Variants in C8orf89 observed in about 807,000 individuals in gnomAD.
C8orf89 encodes chromosome 8 open reading frame 89.
C8orf89 carries 14 observed loss-of-function variants against 15.8 expected under a neutral mutation model. That is an observed-to-expected ratio of 0.89 (90% CI 0.59 to 1.39). The LOEUF (loss-of-function observed/expected upper bound fraction) is 1.39. Ranked by LOEUF, C8orf89 falls within the 40% of genes most tolerant of loss-of-function variation. C8orf89 has a pLI of 0.00. For synonymous variants in C8orf89, 55 were observed against 62.2 expected (o/e 0.88, Z 0.54); for missense variants, 181 against 184.5 (o/e 0.98, Z 0.11).
At chr8:73,285,712 C>G in the C8orf89 span, among the ~76,000 whole-genome samples, 7 of 152,302 alleles carry the variant, frequency 4.6e-5, no homozygotes, top group Admixed American at 4.6e-4. Context: ...GGGCAGCGGG[C>G]ACAGCGGGCA....
chr8:73,265,574 T>C, the C8orf89 span, among the ~76,000 whole-genome samples: 1 of 151,646 alleles, frequency 6.6e-6, no homozygotes, highest in Admixed American at 6.6e-5. Flanking sequence ...TGCTGGGCAA[T>C]GACACAGAGG....
At chr8:73,264,584 G>A in the C8orf89 span, among the ~76,000 whole-genome samples, 4 of 152,198 alleles carry the variant, frequency 2.6e-5, no homozygotes, top group South Asian at 2.1e-4. Context: ...TCCACCTCCC[G>A]GGTTCATGTG....
the C8orf89 span, among the ~76,000 whole-genome samples, chr8:73,265,162 T>A: frequency 2.0e-5 from 3 of 152,244 alleles, no homozygotes; most frequent in African/African-American, 7.2e-5. Context: ...CTAGTTTGGA[T>A]ACTTTGGATT....
chr8:73,253,075 G>A (rs1035342626), intron 2 of C8orf89, among the ~76,000 whole-genome samples: 2 of 152,198 alleles, frequency 1.3e-5, no homozygotes, highest in African/African-American at 4.8e-5. Context: ...CCCGGGAGGC[G>A]GAGCTCCCAG....
chr8:73,273,834 C>T, the C8orf89 span, among the ~76,000 whole-genome samples: 1 of 150,884 alleles, frequency 6.6e-6, no homozygotes, highest in Admixed American at 6.6e-5. Context: ...TAATATCCAA[C>T]TGTTTATCTT....
the C8orf89 span, among the ~76,000 whole-genome samples, chr8:73,272,372 C>G: frequency 6.6e-6 from 1 of 152,050 alleles, no homozygotes; most frequent in Non-Finnish European, 1.5e-5. Flanking sequence ...AAAATTAAAA[C>G]ATCTAACATT....
the C8orf89 span, among the ~76,000 whole-genome samples, chr8:73,271,269 C>G: frequency 2.0e-5 from 3 of 152,144 alleles, no homozygotes; most frequent in Admixed American, 2.0e-4. Flanking sequence ...ACTTTTACCC[C>G]CAGTGTGGTG....
At chr8:73,259,570 T>C (rs914672406), upstream of C8orf89, 11 of 613,228 alleles carry the variant, frequency 1.8e-5, no homozygotes, top group African/African-American at 1.1e-4. Context: ...TGTGTCATAA[T>C]GTTTCTCTTT....
chr8:73,258,270 G>T (rs746929793), intron 1 of C8orf89, among the ~76,000 whole-genome samples: 1 of 151,914 alleles, frequency 6.6e-6, no homozygotes. Context: ...AATCTGCTGC[G>T]CATGGCAGTG....
At chr8:73,241,983 A>T (rs1048265540) in intron 3 of C8orf89, among the ~76,000 whole-genome samples, 1 of 142,492 alleles carries the variant, frequency 7.0e-6, no homozygotes, top group African/African-American at 2.5e-5. Context: ...CTCGACATAT[A>T]AAAAAAAATC....
chr8:73,272,116 T>C, the C8orf89 span, among the ~76,000 whole-genome samples: 1 of 152,176 alleles, frequency 6.6e-6, no homozygotes, highest in Admixed American at 6.5e-5. Context: ...CCTCTTCCTC[T>C]TTCCTTTCAG....
chr8:73,250,617 G>C (rs1450418913), intron 2 of C8orf89, among the ~76,000 whole-genome samples: 1 of 152,084 alleles, frequency 6.6e-6, no homozygotes, highest in African/African-American at 2.4e-5. Flanking sequence ...AGGCCATTTG[G>C]ATACGTTGAA....
the C8orf89 span, among the ~76,000 whole-genome samples, chr8:73,278,447 T>G: frequency 6.6e-6 from 1 of 152,128 alleles, no homozygotes; most frequent in Admixed American, 6.5e-5. Flanking sequence ...TCTCCTACCC[T>G]GACGCCCGGG....
At chr8:73,247,981 T>G (rs1422895283) in intron 3 of C8orf89, among the ~76,000 whole-genome samples, 1 of 152,212 alleles carries the variant, frequency 6.6e-6, no homozygotes, top group African/African-American at 2.4e-5. Context: ...TTTGCGGCAT[T>G]GCTTTTGGCA....
At chr8:73,266,146 A>G in the C8orf89 span, among the ~76,000 whole-genome samples, 1 of 152,244 alleles carries the variant, frequency 6.6e-6, no homozygotes, top group Non-Finnish European at 1.5e-5. Flanking sequence ...CTTTTCTTGT[A>G]TCTCCATTCA....
chr8:73,254,417 A>G (rs1332045993), intron 2 of C8orf89, among the ~76,000 whole-genome samples: 1 of 152,122 alleles, frequency 6.6e-6, no homozygotes, highest in Non-Finnish European at 1.5e-5. Flanking sequence ...GTCTCTGCCC[A>G]GCTTTGGTAT....
chr8:73,254,533 A>G (rs1243304832), intron 2 of C8orf89, among the ~76,000 whole-genome samples: 1 of 152,172 alleles, frequency 6.6e-6, no homozygotes, highest in Non-Finnish European at 1.5e-5. Flanking sequence ...AGGAACTGGG[A>G]GTGGCAAGAA....
At chr8:73,265,898 C>A in the C8orf89 span, among the ~76,000 whole-genome samples, 1 of 152,158 alleles carries the variant, frequency 6.6e-6, no homozygotes, top group Non-Finnish European at 1.5e-5. Context: ...CATGGACACC[C>A]CTCTTTCCTC....
At chr8:73,274,560 A>G in the C8orf89 span, among the ~76,000 whole-genome samples, 1 of 152,212 alleles carries the variant, frequency 6.6e-6, no homozygotes, top group Non-Finnish European at 1.5e-5. Flanking sequence ...AATATATGCT[A>G]ATATTGCTTA....
Sources: gnomAD v4.1 joint callset for allele counts (sites outside exome capture counted in the v4.1 genomes callset) on GRCh38, gnomAD v4.1.1 for gene constraint, MANE v1.5 for transcripts, NCBI Gene and HGNC (gene_info 2026-07-23, HGNC 2026-07-21) for gene names.